Variants in TLE1 observed in about 807,000 individuals in gnomAD.
TLE1 encodes the protein transducin-like enhancer protein 1.
In TLE1, 21 loss-of-function variants were observed where a neutral mutation model predicts 89.8. The ratio of observed to expected loss-of-function variants is 0.23; its 90% CI spans 0.17 to 0.34. The LOEUF is 0.34. Ranked by LOEUF, TLE1 falls within the 10% of genes least tolerant of loss-of-function variation. TLE1 has a pLI of 1.00. For missense variants in TLE1, 795 were observed against 1,031.2 expected (o/e 0.77, Z 3.14); for synonymous variants, 447 against 407.6 (o/e 1.10, Z -1.16).
rs1823749707 is a variant in TLE1 at position 81,611,803 on chromosome 9, G to A, written c.1220C>T (p.Ala407Val). The A allele has an allele frequency of 2.3e-5, 35 of 1,546,316 alleles. No homozygotes were observed. The highest frequency in any genetic ancestry group is 5.1e-5 in the East Asian group (2 of 39,188). The change falls in exon 13 of 20, where the codon GCG becomes GTG. Residue 407 changes from alanine (A) to valine (V), a missense_variant. Physicochemically the swap from Ala to Val is moderately conservative, Grantham distance 64. Around this residue, in one of 4 missense-constraint regions of TLE1, gnomAD observed 468 missense variants for 509.1 expected, o/e 0.92. Transcript: ENST00000376499. The stretch of plus-strand genomic sequence containing the variant: ...GCGCCCGTAGGCCACCACGGCGGCC[G>A]CGGCGGCTGCGGCGCTCATCTGGGG... ...MSPQMSAAAA[A>V]AAVVAYGRSP... is the part of the protein sequence containing the mutation.
intron 12 of TLE1, chr9:81,612,164 CCAGGGGAAGCACAA>C (rs1823805087): frequency 1.6e-6 from 1 of 634,052 alleles, no homozygotes; most frequent in Admixed American, 4.4e-5. Context: ...AGAAAAGACT[CCAGGGGAAGCACAA>C]CCCACACATT....
At chr9:81,599,448 A>G (rs1274264894) in intron 14 of TLE1, among the ~76,000 whole-genome samples, 1 of 152,148 alleles carries the variant, frequency 6.6e-6, no homozygotes, top group African/African-American at 2.4e-5. Context: ...CGTGAGTGTG[A>G]CTGTGGGGGC....
In TLE1 at chr9:81,587,615, T is replaced by G. The variant is rs112382826; in HGVS notation, c.1977+66A>C. 3.1e-5 allele frequency: 47 copies of G among 1,516,902 alleles called. No individual in the cohort carries two copies. In the Middle Eastern group the frequency reaches 7.2e-4, roughly 23 times the overall value. The allele number at this position is 1,516,902 out of a possible 1,614,324, so 94.0% of individuals were successfully genotyped here. On this transcript the variant is annotated intron_variant, in intron 17 of 19. Coordinates refer to ENST00000376499, the MANE Select transcript of TLE1 (RefSeq NM_005077.5). ...CATCCTAGGGTAAAGGAGGGAGGGT[T>G]GTGAGGAGGAAGACACACCCCAGCC...
intron 14 of TLE1, among the ~76,000 whole-genome samples, chr9:81,610,007 GAAAT>G (rs1478783664): frequency 1.1e-4 from 17 of 152,136 alleles, no homozygotes; most frequent in Admixed American, 1.1e-3. Context: ...TTTCTCTCCA[GAAAT>G]AACTAAGGAG....
rs1823768033 is a variant in TLE1, at chr9:81,611,925, G to A, written c.1098C>T (p.Gly366=). The A allele has an allele frequency of 6.7e-7, 1 of 1,494,342 alleles. No homozygotes were observed. The highest frequency in any genetic ancestry group is 8.9e-7 in the Non-Finnish European group (1 of 1,124,564). The allele number at this position is 1,494,342 out of a possible 1,614,324, so 92.6% of individuals were successfully genotyped here. A position where few individuals can be genotyped will look rare whatever the true frequency, so the allele number is the denominator to read the frequency against. Residue 366 remains glycine, a synonymous_variant, in exon 13 of 20, where the codon GGC becomes GGT. Transcript: ENST00000376499. The stretch of plus-strand genomic sequence containing the variant: ...CCATCCCAAAAGGAGCAGGATATGG[G>A]CCGGGCACTGCCAGGGGTGTCCTCA... The part of the protein sequence containing the change: ...AGLRTPLAVP[G]PYPAPFGMVP...
chr9:81,652,536 A>G (rs1829687762), intron 5 of TLE1, among the ~76,000 whole-genome samples: 1 of 152,224 alleles, frequency 6.6e-6, no homozygotes, highest in South Asian at 2.1e-4. Context: ...TTGGAATGGT[A>G]GAAAACAAAA....
At chr9:81,595,843 A>T (rs377245920) in intron 14 of TLE1, among the ~76,000 whole-genome samples, 7 of 152,010 alleles carry the variant, frequency 4.6e-5, no homozygotes, top group South Asian at 4.2e-4. Context: ...ATTAAAAAAT[A>T]AAAGTAAAAC....
At chr9:81,686,874 G>A (rs1310809525) in intron 2 of TLE1, among the ~76,000 whole-genome samples, 2 of 152,050 alleles carry the variant, frequency 1.3e-5, no homozygotes, top group Non-Finnish European at 2.9e-5. Context: ...CCAATGATGG[G>A]CAATGTTATA....
chr9:81,677,109 G>A (rs1172515945), intron 4 of TLE1, among the ~76,000 whole-genome samples: 7 of 152,080 alleles, frequency 4.6e-5, no homozygotes, highest in South Asian at 2.1e-4. Flanking sequence ...GTGGTGGCAC[G>A]TGCCTGTAGT....
rs1828757425 is a variant in TLE1 at position 81,587,907 on chromosome 9, C to CATGT, written c.1830-80_1830-79insACAT. On this transcript the variant is annotated intron_variant, in intron 16 of 19. Transcript: ENST00000376499. ...CACTGTTGTGTTGTTAGTTTTGGAC[C>CATGT]GTGTGTGTGTGTGTGTGTGTGTGTG... The CATGT allele has an allele frequency of 1.7e-5, 13 of 753,932 alleles. No homozygotes were observed. In the Admixed American group the frequency reaches 2.6e-4, roughly 15 times the overall value. The allele number at this position is 753,932 out of a possible 1,614,324, so 46.7% of individuals were successfully genotyped here.
chr9:81,618,247 C>T lies in TLE1; in HGVS notation c.712-1548G>A, dbSNP rs781100330. 2.1e-4 allele frequency among the ~76,000 whole-genome samples: 32 copies of T among 152,162 alleles called. 1 individual carries two copies. The highest frequency in any genetic ancestry group is 4.1e-4 in the Non-Finnish European group (28 of 68,030). ...ATTTATGATCTAAACAATTCTCTTA[C>T]TGATGCTGTTGTCAGTGAAGAATAT... On this transcript the variant is annotated intron_variant, in intron 9 of 19. Transcript: ENST00000376499.
intron 18 of TLE1, 118 bp from the exon 19 acceptor site, chr9:81,584,642 G>C: frequency 1.1e-6 from 1 of 876,002 alleles, no homozygotes; most frequent in Non-Finnish European, 1.8e-6. Context: ...CATGCCCTAA[G>C]GACTGGTCCA....
chr9:81,670,926 T>C (rs1431315275), intron 4 of TLE1, among the ~76,000 whole-genome samples: 1 of 151,934 alleles, frequency 6.6e-6, no homozygotes, highest in East Asian at 1.9e-4. Context: ...CCCAGCACTT[T>C]GGGAGGCCGA....
intron 13 of TLE1, among the ~76,000 whole-genome samples, chr9:81,610,654 T>C (rs192624837): frequency 6.6e-6 from 1 of 152,272 alleles, no homozygotes; most frequent in Admixed American, 6.5e-5. Context: ...ACAGTTCTTT[T>C]CTTTGTTAGG....
intron 6 of TLE1, 28 bp from the exon 7 acceptor site, chr9:81,634,329 A>G (rs367897311): frequency 3.1e-4 from 457 of 1,457,610 alleles, no homozygotes; most frequent in Non-Finnish European, 3.8e-4. Context: ...GAGAGAGAAA[A>G]AGGAGGAGGA....
At chr9:81,631,360 T>C (rs1029776273) in intron 8 of TLE1, among the ~76,000 whole-genome samples, 4 of 152,244 alleles carry the variant, frequency 2.6e-5, no homozygotes, top group African/African-American at 9.6e-5. Flanking sequence ...ACATCTCTAC[T>C]AGCTTAAGCA....
rs998465951 is a variant in TLE1, at chr9:81,604,241, G to A, written c.1331+5979C>T. 5.9e-5 allele frequency among the ~76,000 whole-genome samples: 9 copies of A among 152,270 alleles called. No individual in the cohort carries two copies. The South Asian group carries it at 1.5e-3, about 25-fold the overall frequency. Reference sequence around the variant, plus strand: ...ACCCCATCCTAGGCTGTGAGCTCCCGGTGGGGTCCCCTATGCCTATGCAGG... The same window carrying A: ...ACCCCATCCTAGGCTGTGAGCTCCCAGTGGGGTCCCCTATGCCTATGCAGG... On this transcript the variant is annotated intron_variant, in intron 14 of 19. Coordinates refer to ENST00000376499, the MANE Select transcript of TLE1 (RefSeq NM_005077.5).
chr9:81,625,417 T>C (rs961884834), intron 8 of TLE1, among the ~76,000 whole-genome samples: 5 of 152,174 alleles, frequency 3.3e-5, no homozygotes, highest in Non-Finnish European at 5.9e-5. Flanking sequence ...GAGCACAATT[T>C]CCTAACTCTG....
chr9:81,657,019 C>G (rs1830224320), intron 4 of TLE1, among the ~76,000 whole-genome samples: 1 of 152,150 alleles, frequency 6.6e-6, no homozygotes, highest in South Asian at 2.1e-4. Context: ...TTTTGTTGAC[C>G]TTCCTTTAAT....
Sources: gnomAD v4.1 joint callset for allele counts (sites outside exome capture counted in the v4.1 genomes callset) on GRCh38, gnomAD v4.1.1 for gene constraint, gnomAD v4.1.1 regional missense constraint, MANE v1.5 for transcripts, NCBI Gene and HGNC (gene_info 2026-07-23, HGNC 2026-07-21) for gene names.